The following JCAD variants were observed in gnomAD, a reference collection of about 807,000 sequenced individuals.
JCAD encodes the protein junctional cadherin 5 associated.
JCAD carries 40 observed loss-of-function variants against 98.0 expected under a neutral mutation model. The observed-to-expected ratio is 0.41, with a 90% CI of 0.32 to 0.53. The LOEUF is 0.53. Among genes scored for constraint, JCAD ranks in the 20% least tolerant of loss-of-function variants. The pLI is 0.31. For synonymous variants in JCAD, 691 were observed against 682.3 expected (o/e 1.01, Z -0.20); for missense variants, 1,705 against 1,738.1 (o/e 0.98, Z 0.34).
chr10:30,028,989 G>A lies in JCAD; in HGVS notation c.1159C>T (p.Pro387Ser). ...TEKAGASGQPPSGPPGTGNEY... is the reference protein window; with the variant it reads ...TEKAGASGQPSSGPPGTGNEY... ...TTCCCAGTTCCAGGGGGGCCTGAAG[G>A]AGGCTGACCGCTGGCCCCAGCCTTC... Residue 387 changes from proline to serine, a missense_variant, in exon 3 of 4, where the codon CCT becomes TCT. Transcript: ENST00000375377. 6.2e-7 allele frequency: 1 copy of A among 1,614,020 alleles called. No homozygotes were observed. The highest frequency in any genetic ancestry group is 2.2e-5 in the East Asian group (1 of 44,884).
intron 1 of JCAD, among the ~76,000 whole-genome samples, chr10:30,072,327 C>T (rs1837907769): frequency 6.6e-6 from 1 of 152,090 alleles, no homozygotes. Flanking sequence ...ATGTAACATC[C>T]CCATTTTCCA....
chr10:30,076,902 C>T (rs536437559), intron 1 of JCAD, among the ~76,000 whole-genome samples: 3 of 152,206 alleles, frequency 2.0e-5, no homozygotes, highest in South Asian at 4.2e-4. Context: ...CTCAGGCCCA[C>T]GTTTTGCTCA....
chr10:30,103,432 T>C (rs1387889425), intron 1 of JCAD, among the ~76,000 whole-genome samples: 2 of 152,206 alleles, frequency 1.3e-5, no homozygotes, highest in Non-Finnish European at 2.9e-5. Flanking sequence ...TAAAGATGTA[T>C]GTAAGGAGAT....
rs772528732 is a variant in JCAD at position 30,047,651 on chromosome 10, G to A, written c.162C>T (p.Leu54=). 37 of 1,614,078 alleles carry A rather than the reference G, an allele frequency of 2.3e-5. No individual in the cohort carries two copies. Among genetic ancestry groups the A allele is most frequent in the South Asian group, 1.6e-4 (15 of 91,082 alleles). The stretch of plus-strand genomic sequence containing the variant: ...TCCCCGCGGACGTCTTACGATGTGC[G>A]AGGGCCGCAGGGCCATCCTCATGCC... ...QNGHEDGPAA[L]AHRKTSAGKG... Residue 54 remains leucine (L), a synonymous_variant, in exon 2 of 4, where the codon CTC becomes CTT. Coordinates refer to ENST00000375377, the MANE Select transcript of JCAD (RefSeq NM_020848.4).
chr10:30,017,622 T>C lies in JCAD; in HGVS notation c.*261A>G. On this transcript the variant is annotated 3_prime_UTR_variant, in exon 4 of 4. Transcript: ENST00000375377. ...AATCTGTCATGAGGGAGGGTTTCTG[T>C]GAAAACTCCTTCCTAATTATAGGCA... is the stretch of plus-strand genomic sequence containing the variant. The C allele has an allele frequency of 1.8e-6, 1 of 552,940 alleles. No homozygotes were observed. Among genetic ancestry groups the C allele is most frequent in the Non-Finnish European group, 3.2e-6 (1 of 316,110 alleles). 34.3% of individuals were successfully genotyped at this position (552,940 alleles called of 1,614,324 possible).
intron 1 of JCAD, among the ~76,000 whole-genome samples, chr10:30,110,569 G>A (rs1588662004): frequency 6.6e-6 from 1 of 151,964 alleles, no homozygotes; most frequent in South Asian, 2.1e-4. Context: ...CTGATGTATA[G>A]GCCAGTTGAC....
chr10:30,103,252 G>C (rs967523234), intron 1 of JCAD, among the ~76,000 whole-genome samples: 3 of 152,152 alleles, frequency 2.0e-5, no homozygotes, highest in Non-Finnish European at 4.4e-5. Flanking sequence ...TGTGAATAGT[G>C]CTTCAGTGAA....
intron 1 of JCAD, among the ~76,000 whole-genome samples, chr10:30,056,164 TAG>T (rs1420670564): frequency 6.6e-6 from 1 of 152,212 alleles, no homozygotes; most frequent in African/African-American, 2.4e-5. Context: ...CATCATAGGT[TAG>T]AGTTTTATTC....
chr10:30,098,806 C>T (rs1348018442), intron 1 of JCAD, among the ~76,000 whole-genome samples: 1 of 152,178 alleles, frequency 6.6e-6, no homozygotes, highest in Admixed American at 6.5e-5. Flanking sequence ...AAAATTCCAC[C>T]CACTTCTCCT....
chr10:30,041,986 T>G (rs548696511), intron 2 of JCAD, among the ~76,000 whole-genome samples: 262 of 151,624 alleles, frequency 1.7e-3, no homozygotes, highest in African/African-American at 6.2e-3. Flanking sequence ...GTGTGTGTGT[T>G]TGTGTGTGTG....
At position 30,099,590 on chromosome 10, in the gene JCAD, G is replaced by C. The variant is rs115679702; in HGVS notation, n.128+15777C>G. ...GTCCTCATGGAGATTATATTTAACA[G>C]GAAGGGGTATAATAAACATATGAAT... is the stretch of plus-strand genomic sequence containing the variant. On this transcript the variant is annotated intron_variant and non_coding_transcript_variant, in intron 1 of 2. Transcript: ENST00000465712. Among the ~76,000 whole-genome samples, 938 of 151,892 alleles carry C rather than the reference G, an allele frequency of 6.2e-3. 4 individuals are homozygous for C. The highest frequency in any genetic ancestry group is 0.021 in the African/African-American group (882 of 41,422).
chr10:30,066,252 G>C (rs1837781799), intron 2 of JCAD, among the ~76,000 whole-genome samples: 1 of 152,200 alleles, frequency 6.6e-6, no homozygotes, highest in South Asian at 2.1e-4. Context: ...ACCAAGAAGA[G>C]AGTGACAAAC....
At position 30,014,377 on chromosome 10, in the gene JCAD, T is replaced by C. The variant is rs542871528; in HGVS notation, c.*3506A>G. 1 of 152,294 alleles carries C rather than the reference T, an allele frequency of 6.6e-6. No individual in the cohort carries two copies. Among genetic ancestry groups the C allele is most frequent in the African/African-American group, 2.4e-5 (1 of 41,564 alleles). 9.4% of individuals were successfully genotyped at this position (152,294 alleles called of 1,614,324 possible). On this transcript the variant is annotated 3_prime_UTR_variant, in exon 4 of 4. Coordinates refer to ENST00000375377, the MANE Select transcript of JCAD (RefSeq NM_020848.4). Reference sequence around the variant, plus strand: ...CAATGCTCCCCAACGCTAAAGTAATTGCTTCTAAGAACTTAGGACATGGGA... The same window carrying C: ...CAATGCTCCCCAACGCTAAAGTAATCGCTTCTAAGAACTTAGGACATGGGA...
At chr10:30,108,732 G>T (rs1323504623) in intron 1 of JCAD, among the ~76,000 whole-genome samples, 1 of 151,962 alleles carries the variant, frequency 6.6e-6, no homozygotes, top group Admixed American at 6.6e-5. Flanking sequence ...TCTTCTTTAA[G>T]TCAGAATTCT....
chr10:30,029,203 G>A lies in JCAD; in HGVS notation c.945C>T (p.Asp315=), dbSNP rs752341247. Residue 315 remains aspartate (D), a synonymous_variant, in exon 3 of 4, where the codon GAC becomes GAT. Transcript: ENST00000375377. ...GGACATAGGCGTCCATCTGCTGGCT[G>A]TCCTGAGAGTCACTGCTGTCCGCTC... ...RGGADSSDSQ[D]SQQMDAYVPR... 6.2e-7 allele frequency: 1 copy of A among 1,614,186 alleles called. No individual in the cohort carries two copies. The highest frequency in any genetic ancestry group is 1.7e-5 in the Admixed American group (1 of 60,026).
chr10:30,107,126 G>C (rs919658281), intron 1 of JCAD, among the ~76,000 whole-genome samples: 1 of 152,156 alleles, frequency 6.6e-6, no homozygotes, highest in Non-Finnish European at 1.5e-5. Context: ...TTGATTGTCA[G>C]AGATGTTTAA....
rs35385707 is a variant in JCAD, at chr10:30,073,681, G to GCTTCCTTCCTTC, written n.129-3872_129-3861dup. ...TCCTTCCTTCCTTCCTTCCTTCCTT[G>GCTTCCTTCCTTC]CTTCCTTCCTTCCTTCCTTCCTTCC... is the stretch of plus-strand genomic sequence containing the variant. On this transcript the variant is annotated intron_variant and non_coding_transcript_variant, in intron 1 of 2. Transcript: ENST00000465712. 4.9e-3 allele frequency among the ~76,000 whole-genome samples: 682 copies of GCTTCCTTCCTTC among 137,986 alleles called. 7 individuals are homozygous for GCTTCCTTCCTTC. The highest frequency in any genetic ancestry group is 0.022 in the East Asian group (104 of 4,666). The allele number at this position is 137,986 out of a possible 152,430, so 90.5% of individuals were successfully genotyped here. A position where few individuals can be genotyped will look rare whatever the true frequency, so the allele number is the denominator to read the frequency against.
rs1491306358 is a variant in JCAD, at chr10:30,019,373, A to AG, written c.4046-1457_4046-1456insC. Among the ~76,000 whole-genome samples, 3 of 131,830 alleles carry AG rather than the reference A, an allele frequency of 2.3e-5. No individual in the cohort carries two copies. In the East Asian group the frequency reaches 6.4e-4, roughly 28 times the overall value. The allele number at this position is 131,830 out of a possible 152,430, so 86.5% of individuals were successfully genotyped here. A position where few individuals can be genotyped will look rare whatever the true frequency, so the allele number is the denominator to read the frequency against. On this transcript the variant is annotated intron_variant, in intron 3 of 3. Transcript: ENST00000375377. Reference sequence around the variant, plus strand: ...ACTCTGTCTCAAAAAAAAAAAAAAAAAAAAGAAAAAAAGAAATTGTATATA... The same window carrying AG: ...ACTCTGTCTCAAAAAAAAAAAAAAAAGAAAAGAAAAAAAGAAATTGTATATA...
At chr10:30,113,332 C>A (rs1472041407) in intron 1 of JCAD, among the ~76,000 whole-genome samples, 1 of 151,926 alleles carries the variant, frequency 6.6e-6, no homozygotes, top group Non-Finnish European at 1.5e-5. Flanking sequence ...CAGTGGATCA[C>A]CTGAGGTCAG....
Sources: gnomAD v4.1 joint callset for allele counts (sites outside exome capture counted in the v4.1 genomes callset) on GRCh38, gnomAD v4.1.1 for gene constraint, MANE v1.5 for transcripts, NCBI Gene and HGNC (gene_info 2026-07-23, HGNC 2026-07-21) for gene names.